Variants in FRYL observed in about 807,000 individuals in gnomAD.
FRYL encodes protein furry homolog-like.
FRYL carries 150 observed loss-of-function variants against 351.2 expected under a neutral mutation model. That is an observed-to-expected ratio of 0.43 (90% CI 0.37 to 0.49). FRYL has a LOEUF of 0.49. FRYL is among the 20% of genes least tolerant of loss of function. The pLI is 0.00. For missense variants in FRYL, 3,036 were observed against 3,619.3 expected (o/e 0.84, Z 4.13); for synonymous variants, 1,153 against 1,257.1 (o/e 0.92, Z 1.75).
chr4:48,520,556 GCTTA>G (rs1459020478), intron 55 of FRYL: 1 of 151,866 alleles, frequency 6.6e-6, no homozygotes, highest in African/African-American at 2.4e-5. Flanking sequence ...TTCAAATCTG[GCTTA>G]CTTCTCACAG....
chr4:48,701,880 T>C (rs1055366858), intron 2 of FRYL, among the ~76,000 whole-genome samples: 2 of 152,220 alleles, frequency 1.3e-5, no homozygotes, highest in African/African-American at 4.8e-5. Flanking sequence ...ATAAGAACTC[T>C]AATATCGTCA....
intron 12 of FRYL, among the ~76,000 whole-genome samples, chr4:48,602,550 A>T (rs1745919762): frequency 6.6e-6 from 1 of 152,106 alleles, no homozygotes; most frequent in Non-Finnish European, 1.5e-5. Context: ...AATATCTTAT[A>T]GGGTTGTGAA....
At chr4:48,593,271 CA>C (rs35026740) in intron 16 of FRYL, among the ~76,000 whole-genome samples, 9 of 133,730 alleles carry the variant, frequency 6.7e-5, no homozygotes, top group African/African-American at 2.5e-4. Context: ...AAAAAACAAC[CA>C]AAAAAAAAAA....
intron 3 of FRYL, among the ~76,000 whole-genome samples, chr4:48,655,960 A>T (rs896322162): frequency 5.0e-5 from 7 of 139,122 alleles, no homozygotes; most frequent in African/African-American, 1.8e-4. Context: ...TATGTACATT[A>T]TATATAATGT....
intron 4 of FRYL, among the ~76,000 whole-genome samples, chr4:48,632,093 T>A (rs867562023): frequency 0.01 from 109 of 10,718 alleles, 4 homozygotes; most frequent in East Asian, 0.032. Context: ...AAAAAAAAAA[T>A]ATATATATAT....
chr4:48,618,140 T>C (rs1456189682), intron 7 of FRYL: 2 of 152,210 alleles, frequency 1.3e-5, no homozygotes, highest in Admixed American at 1.3e-4. Flanking sequence ...CAAATTTGGC[T>C]TGTTAGCACA....
chr4:48,530,854 A>C (rs1477708482), intron 50 of FRYL, among the ~76,000 whole-genome samples: 1 of 152,170 alleles, frequency 6.6e-6, no homozygotes, highest in African/African-American at 2.4e-5. Context: ...ATACTCCCCT[A>C]GCACTTTTAA....
chr4:48,583,666 G>A (rs912120759), intron 19 of FRYL, among the ~76,000 whole-genome samples: 2 of 151,864 alleles, frequency 1.3e-5, no homozygotes, highest in African/African-American at 2.4e-5. Flanking sequence ...ACTTTGGGAG[G>A]CCAGGGCAGG....
rs139607407 is a variant in FRYL, at chr4:48,557,827, A to T, written c.3866-115T>A. 6.0e-5 allele frequency: 69 copies of T among 1,158,468 alleles called. No individual in the cohort carries two copies. In the East Asian group the frequency reaches 1.7e-3, roughly 28 times the overall value. 71.8% of individuals were successfully genotyped at this position (1,158,468 alleles called of 1,614,324 possible). ...TTATTCATTTTACTCATTACACTTAACAATTATGAGTATTGTTTTTCCTTT... is the reference window on the plus strand; with the variant it reads ...TTATTCATTTTACTCATTACACTTATCAATTATGAGTATTGTTTTTCCTTT... On this transcript the variant is annotated intron_variant, in intron 33 of 63. Coordinates refer to ENST00000358350, the MANE Select transcript of FRYL (RefSeq NM_015030.2).
Position 48,575,220 on chromosome 4 carries a change from A to T in FRYL, c.2743T>A (p.Ser915Thr), listed in dbSNP as rs1739337470. The T allele has an allele frequency of 1.2e-6, 2 of 1,613,746 alleles. No individual in the cohort carries two copies. The highest frequency in any genetic ancestry group is 3.3e-5 in the Admixed American group (2 of 60,004). The change falls in exon 25 of 64, where the codon TCA becomes ACA. Residue 915 changes from serine to threonine, a missense_variant. Physicochemically the swap from Ser to Thr is moderately conservative, Grantham distance 58. This residue lies in a region of FRYL where 492 missense variants were observed against 551.5 expected (regional missense o/e 0.89). Coordinates refer to ENST00000358350, the MANE Select transcript of FRYL (RefSeq NM_015030.2). ...DSKIIGIPSP[S>T]SLFKHIVPMM... ...GGAACTATGTGCTTAAACAAGGATG[A>T]AGGGGATGGGATGCCAATAATCTGG...
intron 8 of FRYL, among the ~76,000 whole-genome samples, 164 bp downstream of exon 8, chr4:48,609,580 T>C (rs1430852773): frequency 2.7e-5 from 4 of 150,930 alleles, no homozygotes; most frequent in Non-Finnish European, 5.9e-5. Context: ...CATGATTGCA[T>C]CTCTGCACTC....
rs559102734 is a variant in FRYL at position 48,778,973 on chromosome 4, C to G, written c.-384+1105G>C. On this transcript the variant is annotated intron_variant, in intron 1 of 63. Coordinates refer to ENST00000358350, the MANE Select transcript of FRYL (RefSeq NM_015030.2). Reference sequence around the variant, plus strand: ...GGCAAACTCAGCTCTACTAAGAACTCTTGCTCCTCACCAGCACACACCCTA... The same window carrying G: ...GGCAAACTCAGCTCTACTAAGAACTGTTGCTCCTCACCAGCACACACCCTA... Among the ~76,000 whole-genome samples, 167 of 150,950 alleles carry G rather than the reference C, an allele frequency of 1.1e-3. 1 individual carries two copies. In the South Asian group the frequency reaches 0.017, roughly 16 times the overall value.
At chr4:48,509,845 C>G (rs537619283) in intron 59 of FRYL, among the ~76,000 whole-genome samples, 232 of 152,282 alleles carry the variant, frequency 1.5e-3, no homozygotes, top group African/African-American at 5.2e-3. Flanking sequence ...TTTTACAAAG[C>G]TATGGTTTTC....
At chr4:48,581,952 G>A (rs1035344117) in intron 20 of FRYL, among the ~76,000 whole-genome samples, 1 of 152,192 alleles carries the variant, frequency 6.6e-6, no homozygotes, top group Non-Finnish European at 1.5e-5. Context: ...CAATACCTGA[G>A]AGCTTCTAAG....
chr4:48,767,114 AT>A (rs1775041247), intron 1 of FRYL, among the ~76,000 whole-genome samples: 1 of 151,814 alleles, frequency 6.6e-6, no homozygotes, highest in African/African-American at 2.4e-5. Context: ...TGGGTAAGTT[AT>A]AGAGAAGAGA....
chr4:48,587,354 C>T (rs1742316689), intron 18 of FRYL, among the ~76,000 whole-genome samples: 1 of 151,964 alleles, frequency 6.6e-6, no homozygotes, highest in Non-Finnish European at 1.5e-5. Context: ...ATATTTTCTT[C>T]TAGTTATTCA....
chr4:48,549,115 A>C lies in FRYL; in HGVS notation c.4785-322T>G, dbSNP rs542462319. Among the ~76,000 whole-genome samples, 6 of 152,302 alleles carry C rather than the reference A, an allele frequency of 3.9e-5. No individual in the cohort carries two copies. The highest frequency in any genetic ancestry group is 1.3e-4 in the Admixed American group (2 of 15,294). ...GCATTAATACATTTTGAAAGAATGC[A>C]GTAATTGCTCTATTGTGATTTTGCT... is the stretch of plus-strand genomic sequence containing the variant. On this transcript the variant is annotated intron_variant, in intron 39 of 63. Coordinates refer to ENST00000358350, the MANE Select transcript of FRYL (RefSeq NM_015030.2). The surrounding 1 kb of genome is among the most constrained non-coding windows in gnomAD (Gnocchi z 4.2).
At chr4:48,697,687 C>T (rs2149570331) in intron 2 of FRYL, among the ~76,000 whole-genome samples, 1 of 152,270 alleles carries the variant, frequency 6.6e-6, no homozygotes, top group East Asian at 1.9e-4. Flanking sequence ...CTATGCTGGT[C>T]ACGCTGGTCT....
At chr4:48,581,288 C>T (rs528713296) in intron 21 of FRYL, 132 bp downstream of exon 21, 8 of 678,348 alleles carry the variant, frequency 1.2e-5, no homozygotes, top group Admixed American at 1.0e-4. Context: ...CCGCCCGACT[C>T]GGCCTCCCAA....
Sources: allele counts gnomAD v4.1 joint callset (sites outside exome capture counted in the v4.1 genomes callset), GRCh38; gene constraint gnomAD v4.1.1; regional missense constraint gnomAD v4.1.1; non-coding constraint Gnocchi (gnomAD v3.1); transcripts MANE v1.5; gene names NCBI Gene and HGNC (gene_info 2026-07-23, HGNC 2026-07-21).